The following ARSB variants were observed in gnomAD, a reference collection of about 807,000 sequenced individuals.
The protein encoded by ARSB is N-acetylgalactosamine-4-sulfatase.
ARSB carries 41 observed loss-of-function variants against 50.9 expected under a neutral mutation model. That is an observed-to-expected ratio of 0.81 (90% CI 0.63 to 1.04). The LOEUF is 1.04. Among genes scored for constraint, ARSB ranks in the 50% least tolerant of loss-of-function variants. The pLI, the probability that ARSB is intolerant of heterozygous loss-of-function variation, is 0.00. For synonymous variants in ARSB, 269 were observed against 284.8 expected, an observed-to-expected ratio of 0.94 and a Z score of 0.56; for missense variants, 672 against 693.3, an observed-to-expected ratio of 0.97 and a Z score of 0.35.
chr5:78,981,466 T>G (rs1358593383), intron 1 of ARSB, among the ~76,000 whole-genome samples: 1 of 152,236 alleles, frequency 6.6e-6, no homozygotes, highest in African/African-American at 2.4e-5. Context: ...TACACGCAAT[T>G]TGTAAGATAC....
intron 3 of ARSB, among the ~76,000 whole-genome samples, chr5:78,958,272 G>A (rs1371171690): frequency 6.6e-6 from 1 of 152,108 alleles, no homozygotes; most frequent in Non-Finnish European, 1.5e-5. Context: ...GGGGCCCACA[G>A]CTTAAGGAGA....
rs989354252 is a variant in ARSB at position 78,799,592 on chromosome 5, C to T, written c.1214-17618G>A. On this transcript the variant is annotated intron_variant, in intron 6 of 7. Coordinates refer to ENST00000264914, the MANE Select transcript of ARSB (RefSeq NM_000046.5). The stretch of plus-strand genomic sequence containing the variant: ...TGGCAAAATCCTACTTCTGAACCCG[C>T]ATACGGAAAACCAATTAAGACGGGG... Among the ~76,000 whole-genome samples, 3 of 152,188 alleles carry T rather than the reference C, an allele frequency of 2.0e-5. No individual in the cohort carries two copies. The South Asian group carries it at 6.2e-4, about 32-fold the overall frequency.
intron 4 of ARSB, among the ~76,000 whole-genome samples, chr5:78,935,616 G>A (rs537779463): frequency 1.3e-5 from 2 of 152,214 alleles, no homozygotes; most frequent in African/African-American, 4.8e-5. Context: ...CAAATAAAAA[G>A]CAAACCGGAG....
At chr5:78,791,622 G>T (rs1220366218) in intron 6 of ARSB, among the ~76,000 whole-genome samples, 1 of 152,230 alleles carries the variant, frequency 6.6e-6, no homozygotes, top group Non-Finnish European at 1.5e-5. Context: ...GGTTTTGAAT[G>T]TCCCAACAAC....
intron 4 of ARSB, among the ~76,000 whole-genome samples, chr5:78,890,102 TAA>T (rs1748219063): frequency 6.6e-6 from 1 of 152,158 alleles, no homozygotes; most frequent in Non-Finnish European, 1.5e-5. Flanking sequence ...GATTTTTTTT[TAA>T]ATTACTGAGA....
intron 4 of ARSB, among the ~76,000 whole-genome samples, chr5:78,949,880 A>T (rs531393535): frequency 1.4e-3 from 209 of 152,352 alleles, no homozygotes; most frequent in African/African-American, 4.8e-3. Flanking sequence ...ACTGTACTCC[A>T]GCCTGAGTGA....
intron 1 of ARSB, among the ~76,000 whole-genome samples, chr5:78,978,998 T>G (rs914063031): frequency 7.9e-5 from 12 of 152,310 alleles, no homozygotes; most frequent in African/African-American, 2.9e-4. Context: ...AATTTGTAAC[T>G]TTTGTTTACA....
At chr5:78,985,688 G>GA (rs1360117605), upstream of ARSB, 5 of 152,780 alleles carry the variant, frequency 3.3e-5, no homozygotes, top group African/African-American at 9.6e-5. Context: ...TTTTTCATAA[G>GA]AAAAAAGCTT....
chr5:78,782,582 T>C (rs942649820), intron 6 of ARSB, among the ~76,000 whole-genome samples: 3 of 152,234 alleles, frequency 2.0e-5, no homozygotes, highest in African/African-American at 7.2e-5. Context: ...TAATTTATCA[T>C]TTTTGAGATC....
At chr5:78,803,684 T>C (rs986655851) in intron 6 of ARSB, among the ~76,000 whole-genome samples, 1 of 152,248 alleles carries the variant, frequency 6.6e-6, no homozygotes, top group Admixed American at 6.5e-5. Context: ...CTCAGGCTGC[T>C]TTCCTAGTCG....
At chr5:78,980,325 T>C (rs1841991) in intron 1 of ARSB, among the ~76,000 whole-genome samples, 64,065 of 152,086 alleles carry the variant, frequency 0.42, 13,662 homozygotes, top group Admixed American at 0.47. Context: ...AATGCATCTA[T>C]CCTTAAACCC....
Position 78,808,237 on chromosome 5 carries a change from C to T in ARSB, c.1214-26263G>A, listed in dbSNP as rs1743656771. Among the ~76,000 whole-genome samples, 7 of 152,016 alleles carry T rather than the reference C, an allele frequency of 4.6e-5. No homozygotes were observed. In the South Asian group the frequency reaches 1.5e-3, roughly 32 times the overall value. Reference sequence around the variant, plus strand: ...TTTCTTTATCTTTACCTCCCACCCCCTCCTCCCCATATTATTTCCAAGCAA... The same window carrying T: ...TTTCTTTATCTTTACCTCCCACCCCTTCCTCCCCATATTATTTCCAAGCAA... On this transcript the variant is annotated intron_variant, in intron 6 of 7. Transcript: ENST00000264914.
intron 2 of ARSB, among the ~76,000 whole-genome samples, chr5:78,966,832 T>A (rs1005447307): frequency 1.1e-4 from 16 of 152,082 alleles, no homozygotes; most frequent in Non-Finnish European, 1.5e-5. Flanking sequence ...ACAGGCTGTT[T>A]GCTCCTCTAG....
chr5:78,903,713 T>C (rs1748903948), intron 4 of ARSB, among the ~76,000 whole-genome samples: 2 of 152,250 alleles, frequency 1.3e-5, no homozygotes, highest in Non-Finnish European at 2.9e-5. Flanking sequence ...TATTCCATTT[T>C]TGGCTTCCTG....
chr5:78,843,357 T>C (rs1289534197), intron 5 of ARSB, among the ~76,000 whole-genome samples: 1 of 152,204 alleles, frequency 6.6e-6, no homozygotes, highest in Non-Finnish European at 1.5e-5. Flanking sequence ...CTCAACTCTT[T>C]TGGAGTCTCT....
At chr5:78,905,344 G>GTTT (rs60622885) in intron 4 of ARSB, among the ~76,000 whole-genome samples, 1 of 130,542 alleles carries the variant, frequency 7.7e-6, no homozygotes, top group Non-Finnish European at 1.6e-5. Context: ...GTATTTTCCT[G>GTTT]TTTTTTTTTT....
chr5:78,944,356 G>C (rs926067160), intron 4 of ARSB, among the ~76,000 whole-genome samples: 9 of 152,176 alleles, frequency 5.9e-5, no homozygotes, highest in Non-Finnish European at 1.0e-4. Context: ...GAGGCACTCT[G>C]ATTTTTAGAA....
At chr5:78,841,487 CT>C (rs1745212577) in intron 5 of ARSB, among the ~76,000 whole-genome samples, 1 of 152,018 alleles carries the variant, frequency 6.6e-6, no homozygotes. Context: ...CTAAGTAAAA[CT>C]TTTGTGTTAA....
At chr5:78,952,000 G>A (rs1305238949) in intron 4 of ARSB, among the ~76,000 whole-genome samples, 1 of 152,086 alleles carries the variant, frequency 6.6e-6, no homozygotes, top group Non-Finnish European at 1.5e-5. Context: ...GAATTCATCA[G>A]TATAATAAAA....
Sources: gnomAD v4.1 joint callset for allele counts (sites outside exome capture counted in the v4.1 genomes callset) on GRCh38, gnomAD v4.1.1 for gene constraint, MANE v1.5 for transcripts, NCBI Gene and HGNC (gene_info 2026-07-23, HGNC 2026-07-21) for gene names.